LRRC7: variants seen among roughly 807,000 people sequenced by gnomAD.
LRRC7 encodes the protein leucine rich repeat containing 7, also known as leucine-rich repeat-containing protein 7.
In LRRC7, 23 loss-of-function variants were observed where a neutral mutation model predicts 175.7. The observed-to-expected ratio is 0.13, with a 90% CI of 0.09 to 0.19. The LOEUF (loss-of-function observed/expected upper bound fraction) is 0.19, where lower values mean the gene tolerates loss of function less well. Among genes scored for constraint, LRRC7 ranks in the 10% least tolerant of loss-of-function variants. LRRC7 has a pLI of 1.00. For missense variants in LRRC7, 1,354 were observed against 1,904.7 expected (o/e 0.71, Z 5.38); for synonymous variants, 685 against 680.9 (o/e 1.01, Z -0.09).
At chr1:69,664,023 G>A (rs944732131) in intron 1 of LRRC7, among the ~76,000 whole-genome samples, 2 of 152,084 alleles carry the variant, frequency 1.3e-5, no homozygotes, top group Admixed American at 1.3e-4. Flanking sequence ...GCCCGGCCTC[G>A]TTTTAATTTT....
intron 4 of LRRC7, among the ~76,000 whole-genome samples, chr1:69,803,800 G>A (rs1036087385): frequency 6.6e-6 from 1 of 150,566 alleles, no homozygotes; most frequent in African/African-American, 2.4e-5. Flanking sequence ...TTATTTTCAC[G>A]TATTATCCAC....
rs1240475706 is a variant in LRRC7 at position 70,137,387 on chromosome 1, G to C, written c.*15500G>C. The stretch of plus-strand genomic sequence containing the variant: ...TAAAGGGATCAATCTGAGGGAAGAA[G>C]AGAAGTTAACCTTTAGTGACCCTTG... On this transcript the variant is annotated 3_prime_UTR_variant, in exon 27 of 27. Coordinates refer to ENST00000651989, the MANE Select transcript of LRRC7 (RefSeq NM_001370785.2). Among the ~76,000 whole-genome samples, 1 of 152,188 alleles carries C rather than the reference G, an allele frequency of 6.6e-6. No homozygotes were observed. The highest frequency in any genetic ancestry group is 2.4e-5 in the African/African-American group (1 of 41,452).
intron 26 of LRRC7, among the ~76,000 whole-genome samples, chr1:70,112,479 T>G (rs148943996): frequency 1.3e-5 from 2 of 152,344 alleles, no homozygotes; most frequent in African/African-American, 4.8e-5. Flanking sequence ...AAGGTGAATG[T>G]ATGCACTCAT....
intron 2 of LRRC7, among the ~76,000 whole-genome samples, chr1:69,709,280 C>T (rs890641487): frequency 4.6e-5 from 7 of 152,216 alleles, no homozygotes; most frequent in African/African-American, 9.7e-5. Context: ...TGGGTATTTG[C>T]AGCTTACCAG....
chr1:69,772,174 G>T (rs1449603358), intron 3 of LRRC7, among the ~76,000 whole-genome samples: 1 of 151,908 alleles, frequency 6.6e-6, no homozygotes. Context: ...TAAAGGAGGG[G>T]AATTGCTGAG....
chr1:69,792,009 T>G, intron 3 of LRRC7, 34 bp from the exon 4 acceptor site: 1 of 1,336,668 alleles, frequency 7.5e-7, no homozygotes, highest in Non-Finnish European at 1.1e-6. Context: ...TTTAACCAAA[T>G]TGAGATCTAA....
chr1:69,988,029 T>C (rs931942480), intron 10 of LRRC7, among the ~76,000 whole-genome samples: 1 of 152,138 alleles, frequency 6.6e-6, no homozygotes, highest in Non-Finnish European at 1.5e-5. Flanking sequence ...GAAATACTGG[T>C]TTATGTTGTA....
chr1:70,125,251 G>T lies in LRRC7; in HGVS notation c.*3364G>T, dbSNP rs542505659. ...TTAGGTTGCTGAAAAAGTAATTGCG[G>T]TTTTTACCATTAAAAGTGCAGGCAA... On this transcript the variant is annotated 3_prime_UTR_variant, in exon 27 of 27. Transcript: ENST00000651989. 1.6e-4 allele frequency among the ~76,000 whole-genome samples: 25 copies of T among 152,232 alleles called. No homozygotes were observed. Among genetic ancestry groups the T allele is most frequent in the African/African-American group, 5.8e-4 (24 of 41,542 alleles).
chr1:69,918,778 C>T lies in LRRC7; in HGVS notation c.648-12729C>T, dbSNP rs538591927. On this transcript the variant is annotated intron_variant, in intron 7 of 26. Transcript: ENST00000651989. ...GATAATTAAAAACTGATGGAAACTACGGTCATATAAATAAAATGAGATAAA... is the reference window on the plus strand; with the variant it reads ...GATAATTAAAAACTGATGGAAACTATGGTCATATAAATAAAATGAGATAAA... Among the ~76,000 whole-genome samples, 7 of 152,088 alleles carry T rather than the reference C, an allele frequency of 4.6e-5. No homozygotes were observed. In the East Asian group the frequency reaches 5.8e-4, roughly 13 times the overall value.
At chr1:69,893,019 CAT>C (rs1410348641) in intron 7 of LRRC7, among the ~76,000 whole-genome samples, 1 of 152,162 alleles carries the variant, frequency 6.6e-6, no homozygotes, top group Non-Finnish European at 1.5e-5. Flanking sequence ...ATATTCATCA[CAT>C]GTTACAAGAA....
At chr1:69,976,797 C>A (rs1224742717) in intron 8 of LRRC7, among the ~76,000 whole-genome samples, 3 of 152,192 alleles carry the variant, frequency 2.0e-5, no homozygotes, top group Non-Finnish European at 4.4e-5. Context: ...GTACTGTCCT[C>A]AGTCAACTCA....
intron 1 of LRRC7, among the ~76,000 whole-genome samples, chr1:69,616,554 T>G (rs910623612): frequency 6.6e-6 from 1 of 152,096 alleles, no homozygotes; most frequent in African/African-American, 2.4e-5. Flanking sequence ...ATGTAAAATG[T>G]TTCTTTCCAA....
rs1558101391 is a variant in LRRC7 at position 70,142,370 on chromosome 1, G to GT, written c.*20483_*20484insT. The GT allele has an allele frequency of 1.3e-5, 2 of 151,940 alleles. No homozygotes were observed. Among genetic ancestry groups the GT allele is most frequent in the Non-Finnish European group, 2.9e-5 (2 of 67,946 alleles). The allele number at this position is 151,940 out of a possible 1,614,324, so 9.4% of individuals were successfully genotyped here. ...TAATACTTCGGCTTTATAATGTTTG[G>GT]GCATTTCTCTTTAACATCCTCAAAT... On this transcript the variant is annotated 3_prime_UTR_variant, in exon 27 of 27. Coordinates refer to ENST00000651989, the MANE Select transcript of LRRC7 (RefSeq NM_001370785.2).
At chr1:69,885,456 G>A (rs922559086) in intron 7 of LRRC7, among the ~76,000 whole-genome samples, 2 of 142,502 alleles carry the variant, frequency 1.4e-5, no homozygotes, top group Middle Eastern at 3.5e-3. Context: ...TGGGATCGGT[G>A]GTGATATCCC....
At chr1:69,717,845 G>A (rs1015846851) in intron 2 of LRRC7, among the ~76,000 whole-genome samples, 1 of 24,992 alleles carries the variant, frequency 4.0e-5, no homozygotes, top group Non-Finnish European at 6.7e-5. Context: ...AAAGAAAAAA[G>A]AAAGAAAGGA....
At chr1:69,614,681 G>A (rs936931222) in intron 1 of LRRC7, among the ~76,000 whole-genome samples, 5 of 151,964 alleles carry the variant, frequency 3.3e-5, no homozygotes, top group African/African-American at 4.8e-5. Flanking sequence ...TTTACTTATC[G>A]TGGCTCTCCT....
chr1:69,974,716 A>G (rs927547971), intron 8 of LRRC7, among the ~76,000 whole-genome samples: 3 of 152,202 alleles, frequency 2.0e-5, no homozygotes, highest in Non-Finnish European at 2.9e-5. Context: ...TGGATCTGCT[A>G]TGCTTTATCT....
intron 1 of LRRC7, among the ~76,000 whole-genome samples, chr1:69,661,279 C>T (rs1200607508): frequency 6.6e-6 from 1 of 152,074 alleles, no homozygotes; most frequent in Non-Finnish European, 1.5e-5. Context: ...TAATTTTTCC[C>T]AAGAACCTAT....
chr1:70,002,683 A>G (rs183471372), intron 11 of LRRC7, among the ~76,000 whole-genome samples: 1 of 152,134 alleles, frequency 6.6e-6, no homozygotes, highest in Admixed American at 6.6e-5. Flanking sequence ...CTAACTGACC[A>G]TGGGCAAGTC....
Sources: gnomAD v4.1 joint callset for allele counts (sites outside exome capture counted in the v4.1 genomes callset) on GRCh38, gnomAD v4.1.1 for gene constraint, MANE v1.5 for transcripts, NCBI Gene and HGNC (gene_info 2026-07-23, HGNC 2026-07-21) for gene names.